ETFDH: variants seen among roughly 807,000 people sequenced by gnomAD.
ETFDH encodes the protein electron transfer flavoprotein-ubiquinone oxidoreductase, mitochondrial.
Under a neutral mutation model 73.2 loss-of-function variants are expected in ETFDH, and 61 were observed. The observed-to-expected ratio is 0.83, with a 90% confidence interval of 0.68 to 1.03. The LOEUF is 1.03. Ranked by LOEUF, ETFDH falls within the 50% of genes least tolerant of loss-of-function variation. ETFDH has a pLI of 0.00. For missense variants in ETFDH, 685 were observed against 745.0 expected (o/e 0.92, Z 0.94); for synonymous variants, 243 against 253.3 (o/e 0.96, Z 0.39).
chr4:158,672,548 C>T (rs1773601180), intron 1 of ETFDH, 58 bp downstream of exon 1: 2 of 1,550,116 alleles, frequency 1.3e-6, no homozygotes, highest in Non-Finnish European at 1.8e-6. Context: ...GGGACAAGGC[C>T]GGTCCTGGGG....
intron 10 of ETFDH, among the ~76,000 whole-genome samples, chr4:158,705,461 A>G (rs1286352920): frequency 1.3e-5 from 2 of 152,258 alleles, no homozygotes; most frequent in Admixed American, 6.5e-5. Context: ...GCCACTAATA[A>G]GGTCACAGTC....
At chr4:158,705,034 C>T (rs1423344041) in intron 10 of ETFDH, among the ~76,000 whole-genome samples, 7 of 152,036 alleles carry the variant, frequency 4.6e-5, no homozygotes, top group Non-Finnish European at 1.0e-4. Flanking sequence ...AGTATATCAC[C>T]AAAGACTAGA....
chr4:158,701,746 C>G (rs1774467036), intron 9 of ETFDH, among the ~76,000 whole-genome samples: 1 of 152,166 alleles, frequency 6.6e-6, no homozygotes, highest in Non-Finnish European at 1.5e-5. Flanking sequence ...AGGAAATCCT[C>G]AGAGAAGAAA....
chr4:158,701,841 A>G (rs916130316), intron 9 of ETFDH, among the ~76,000 whole-genome samples: 2 of 152,230 alleles, frequency 1.3e-5, no homozygotes, highest in Non-Finnish European at 2.9e-5. Context: ...CAAACAATCT[A>G]TAGTTCAGTT....
At chr4:158,706,457 T>C (rs1213313617) in intron 11 of ETFDH, 86 bp downstream of exon 11, 1 of 1,238,478 alleles carries the variant, frequency 8.1e-7, no homozygotes, top group African/African-American at 1.5e-5. Flanking sequence ...TGTTTTAATG[T>C]TTTCAACTTG....
chr4:158,695,433 G>T, intron 6 of ETFDH, 64 bp from the exon 7 acceptor site: 1 of 1,342,760 alleles, frequency 7.4e-7, no homozygotes, highest in South Asian at 1.2e-5. Flanking sequence ...ATTTAAATCT[G>T]ACCAGAATGT....
At chr4:158,685,340 A>C in intron 5 of ETFDH, 121 bp downstream of exon 5, 2 of 682,356 alleles carry the variant, frequency 2.9e-6, no homozygotes, top group South Asian at 1.6e-5. Flanking sequence ...TAGAATTATA[A>C]GATTAGAAGG....
intron 3 of ETFDH, among the ~76,000 whole-genome samples, 177 bp from the exon 4 acceptor site, chr4:158,684,415 G>A (rs1773946541): frequency 6.7e-6 from 1 of 149,226 alleles, no homozygotes; most frequent in Non-Finnish European, 1.5e-5. Flanking sequence ...AAAGATTTCT[G>A]TACATCTCAG....
chr4:158,696,506 TA>T (rs545421540), intron 7 of ETFDH, among the ~76,000 whole-genome samples: 79 of 143,964 alleles, frequency 5.5e-4, no homozygotes, highest in Non-Finnish European at 4.0e-4. Context: ...ATCCTATCTC[TA>T]AAAAAAAAAA....
chr4:158,682,132 T>C (rs946460388), intron 2 of ETFDH, 63 bp from the exon 3 acceptor site: 1 of 1,608,222 alleles, frequency 6.2e-7, no homozygotes, highest in Admixed American at 1.7e-5. Context: ...ATTTTTTAAC[T>C]GTCATGTGAT....
intron 8 of ETFDH, among the ~76,000 whole-genome samples, chr4:158,698,030 TA>T (rs1774357729): frequency 6.6e-6 from 1 of 152,254 alleles, no homozygotes; most frequent in South Asian, 2.1e-4. Flanking sequence ...CTTACCCATA[TA>T]CACCCATTAA....
chr4:158,690,719 A>G (rs1252371587), intron 6 of ETFDH, among the ~76,000 whole-genome samples: 1 of 152,088 alleles, frequency 6.6e-6, no homozygotes, highest in Admixed American at 6.6e-5. Context: ...CTTTGACTTA[A>G]TAAAGGTCTT....
Position 158,697,552 on chromosome 4 carries a change from T to G in ETFDH, c.832-7T>G. Reference sequence around the variant, plus strand: ...AGGACTTTTTTGTTTGCTTTTTTTTTTTTTAGTTATGGGTTATTGATGAAA... The same window carrying G: ...AGGACTTTTTTGTTTGCTTTTTTTTGTTTTAGTTATGGGTTATTGATGAAA... On this transcript the variant is annotated splice_region_variant and splice_polypyrimidine_tract_variant and intron_variant, in intron 7 of 12. Coordinates refer to ENST00000511912, the MANE Select transcript of ETFDH (RefSeq NM_004453.4). 6.2e-7 allele frequency: 1 copy of G among 1,609,524 alleles called. No individual in the cohort carries two copies. Among genetic ancestry groups the G allele is most frequent in the Non-Finnish European group, 8.5e-7 (1 of 1,178,980 alleles).
intron 9 of ETFDH, 67 bp from the exon 10 acceptor site, chr4:158,703,356 T>C: frequency 9.3e-7 from 1 of 1,080,938 alleles, no homozygotes; most frequent in Non-Finnish European, 1.4e-6. Flanking sequence ...TAAGACTGAT[T>C]TGGAGTATTC....
At position 158,689,615 on chromosome 4, in the gene ETFDH, TATATATATATATATATATATA is replaced by T. The variant is rs1561242347; in HGVS notation, c.607-732_607-712del. 4.5e-4 allele frequency among the ~76,000 whole-genome samples: 52 copies of T among 116,264 alleles called. 3 individuals are homozygous for T. The highest frequency in any genetic ancestry group is 8.1e-4 in the East Asian group (3 of 3,726). 76.3% of individuals were successfully genotyped at this position (116,264 alleles called of 152,430 possible). On this transcript the variant is annotated intron_variant, in intron 5 of 12. Transcript: ENST00000511912. ...ACCTTCATATATATATATATATATATATATATATATATATATATATATTGTGGGGGGGTGGGTTCATATCCA... is the reference window on the plus strand; with the variant it reads ...ACCTTCATATATATATATATATATATTTGTGGGGGGGTGGGTTCATATCCA...
chr4:158,693,341 C>T (rs1774229289), intron 6 of ETFDH, among the ~76,000 whole-genome samples: 1 of 152,096 alleles, frequency 6.6e-6, no homozygotes, highest in South Asian at 2.1e-4. Flanking sequence ...TGCATCTTAT[C>T]ATAAGAATTC....
At chr4:158,685,258 C>A (rs1401880257) in intron 5 of ETFDH, 39 bp downstream of exon 5, 12 of 1,094,256 alleles carry the variant, frequency 1.1e-5, no homozygotes, top group Non-Finnish European at 1.7e-5. Flanking sequence ...TTTATAGGAA[C>A]TCTCTTTTTT....
chr4:158,690,380 A>T lies in ETFDH; in HGVS notation c.639A>T (p.Gly213=). Residue 213 remains glycine (G), a synonymous_variant, in exon 6 of 13, where the codon GGA becomes GGT. Coordinates refer to ENST00000511912, the MANE Select transcript of ETFDH (RefSeq NM_004453.4). ...TTCATGATGATGGTAGTGTAAAAGGAATTGCCACTAACGATGTAGGGATAC... is the reference window on the plus strand; with the variant it reads ...TTCATGATGATGGTAGTGTAAAAGGTATTGCCACTAACGATGTAGGGATAC... The part of the protein sequence containing the change: ...VLFHDDGSVK[G]IATNDVGIQK... 6.2e-7 allele frequency: 1 copy of T among 1,604,316 alleles called. No individual in the cohort carries two copies. Among genetic ancestry groups the T allele is most frequent in the South Asian group, 1.1e-5 (1 of 90,886 alleles).
Position 158,709,311 on chromosome 4 carries a change from A to AAG in ETFDH, c.*785_*786dup, listed in dbSNP as rs1774732984. On this transcript the variant is annotated 3_prime_UTR_variant, in exon 13 of 13. Coordinates refer to ENST00000511912, the MANE Select transcript of ETFDH (RefSeq NM_004453.4). Reference sequence around the variant, plus strand: ...GGGAGGCCAAGGCGGGGTGGATCACAAGGTCAGGAGTTCAAGACCAACGTG... The same window carrying AAG: ...GGGAGGCCAAGGCGGGGTGGATCACAAGAGGTCAGGAGTTCAAGACCAACGTG... The AAG allele has an allele frequency of 6.5e-6, 1 of 154,468 alleles. No homozygotes were observed. Among genetic ancestry groups the AAG allele is most frequent in the Admixed American group, 6.5e-5 (1 of 15,386 alleles). 9.6% of individuals were successfully genotyped at this position (154,468 alleles called of 1,614,324 possible).
Sources: allele counts gnomAD v4.1 joint callset (sites outside exome capture counted in the v4.1 genomes callset), GRCh38; gene constraint gnomAD v4.1.1; transcripts MANE v1.5; gene names NCBI Gene and HGNC (gene_info 2026-07-23, HGNC 2026-07-21).